OLR1: variants seen among roughly 807,000 people sequenced by gnomAD.
OLR1 encodes the protein oxidized low-density lipoprotein receptor 1.
In OLR1, 23 loss-of-function variants were observed where a neutral mutation model predicts 31.7. That is an observed-to-expected ratio of 0.72 (90% CI 0.52 to 1.03). The LOEUF is 1.03. OLR1 is among the 50% of genes least tolerant of loss of function. The pLI is 0.00. For synonymous variants in OLR1, 117 were observed against 115.8 expected (o/e 1.01, Z -0.07); for missense variants, 286 against 315.7 (o/e 0.91, Z 0.71).
rs1269621841 is a variant in OLR1, at chr12:10,159,299, G to GTGTGTGTT, written c.*580_*581insAACACACA. 2 of 123,206 alleles carry GTGTGTGTT rather than the reference G, an allele frequency of 1.6e-5. No homozygotes were observed. Among genetic ancestry groups the GTGTGTGTT allele is most frequent in the African/African-American group, 5.1e-5 (2 of 39,300 alleles). The allele number at this position is 123,206 out of a possible 1,614,324, so 7.6% of individuals were successfully genotyped here. A position where few individuals can be genotyped will look rare whatever the true frequency, so the allele number is the denominator to read the frequency against. On this transcript the variant is annotated 3_prime_UTR_variant, in exon 6 of 6. Transcript: ENST00000309539. ...CACTTGTCCCAAAATGTGTGTGTGT[G>GTGTGTGTT]TGTGTGTGTGTGTCTGTCTGTCTGT...
chr12:10,169,849 G>T (rs1948695489), intron 1 of OLR1, among the ~76,000 whole-genome samples: 1 of 150,680 alleles, frequency 6.6e-6, no homozygotes, highest in African/African-American at 2.4e-5. Flanking sequence ...TTTTACAAGA[G>T]AAATATTCAC....
upstream of OLR1, chr12:10,172,308 T>G (rs41401144): frequency 3.0e-4 from 131 of 431,776 alleles, no homozygotes; most frequent in African/African-American, 2.5e-3. Context: ...TGAAGGTGTT[T>G]CAGGATATTT....
chr12:10,169,923 T>TAAA (rs34715844), intron 1 of OLR1, among the ~76,000 whole-genome samples: 5 of 148,172 alleles, frequency 3.4e-5, no homozygotes, highest in Non-Finnish European at 6.0e-5. Context: ...GTTCCACCAC[T>TAAA]AAAAAAAAAA....
upstream of OLR1, among the ~76,000 whole-genome samples, chr12:10,173,300 T>A (rs908552265): frequency 4.7e-5 from 7 of 148,746 alleles, no homozygotes; most frequent in African/African-American, 1.7e-4. Flanking sequence ...TTTAAATTAC[T>A]CCAGGAAAAA....
upstream of OLR1, among the ~76,000 whole-genome samples, chr12:10,175,101 C>T (rs1350602594): frequency 2.0e-5 from 3 of 152,144 alleles, no homozygotes; most frequent in South Asian, 2.1e-4. Flanking sequence ...TTATTCCTGC[C>T]TCCTGGTGTT....
At chr12:10,169,379 G>A (rs1018152170) in intron 1 of OLR1, among the ~76,000 whole-genome samples, 5 of 152,290 alleles carry the variant, frequency 3.3e-5, no homozygotes, top group Admixed American at 6.5e-5. Context: ...AAAACAGGGA[G>A]AGTTAAGGAA....
intron 3 of OLR1, among the ~76,000 whole-genome samples, chr12:10,162,102 A>T (rs1948625824): frequency 6.6e-6 from 1 of 152,114 alleles, no homozygotes; most frequent in African/African-American, 2.4e-5. Context: ...AACAGGACTT[A>T]GACAATAGGC....
At chr12:10,167,080 C>T in intron 2 of OLR1, 123 bp from the exon 3 acceptor site, 5 of 893,892 alleles carry the variant, frequency 5.6e-6, no homozygotes, top group Admixed American at 2.6e-5. Flanking sequence ...TGAAAAATGA[C>T]CCAGATTTAC....
At chr12:10,163,862 C>T (rs181810608) in intron 3 of OLR1, among the ~76,000 whole-genome samples, 29 of 151,800 alleles carry the variant, frequency 1.9e-4, no homozygotes, top group African/African-American at 6.3e-4. Flanking sequence ...CTCCGGGAGG[C>T]GGAGGTTGCA....
At chr12:10,168,744 T>C (rs1461059022) in intron 2 of OLR1, among the ~76,000 whole-genome samples, 1 of 152,214 alleles carries the variant, frequency 6.6e-6, no homozygotes, top group Non-Finnish European at 1.5e-5. Context: ...TCCACCCACC[T>C]TGGCCTCCCA....
At chr12:10,160,211 G>T in intron 5 of OLR1, 136 bp downstream of exon 5, 1 of 917,564 alleles carries the variant, frequency 1.1e-6, no homozygotes, top group Non-Finnish European at 1.6e-6. Flanking sequence ...TAAGGAAGGA[G>T]ACTTTGAGAA....
chr12:10,166,466 T>G (rs1948662688), intron 3 of OLR1, among the ~76,000 whole-genome samples: 1 of 150,336 alleles, frequency 6.7e-6, no homozygotes. Flanking sequence ...GGGTGGAGGT[T>G]GCAGTGAGCA....
chr12:10,159,630 G>A lies in OLR1; in HGVS notation c.*250C>T. 3.0e-6 allele frequency: 1 copy of A among 328,128 alleles called. No individual in the cohort carries two copies. Among genetic ancestry groups the A allele is most frequent in the East Asian group, 4.7e-5 (1 of 21,198 alleles). The allele number at this position is 328,128 out of a possible 1,614,324, so 20.3% of individuals were successfully genotyped here. On this transcript the variant is annotated 3_prime_UTR_variant, in exon 6 of 6. Transcript: ENST00000309539. The stretch of plus-strand genomic sequence containing the variant: ...GAGGAGTCAAATTTTAAAATAAAAA[G>A]GGGAAAATGGACTTCAGGCTGGCAG...
At chr12:10,163,273 T>C (rs1347463870) in intron 3 of OLR1, among the ~76,000 whole-genome samples, 4 of 152,124 alleles carry the variant, frequency 2.6e-5, no homozygotes, top group Admixed American at 1.3e-4. Context: ...TTCAAACTTC[T>C]AAGTTAAAAC....
upstream of OLR1, among the ~76,000 whole-genome samples, chr12:10,174,500 AC>A (rs1320920592): frequency 6.6e-6 from 1 of 152,178 alleles, no homozygotes; most frequent in Non-Finnish European, 1.5e-5. Context: ...GGCCTAAAGA[AC>A]AAAAAGCTTC....
chr12:10,172,294 A>AT, upstream of OLR1: 1 of 476,394 alleles, frequency 2.1e-6, no homozygotes, highest in South Asian at 3.3e-5. Flanking sequence ...GAAAGTGGTG[A>AT]TTCTGAAGGT....
intron 1 of OLR1, among the ~76,000 whole-genome samples, chr12:10,171,584 C>T (rs550496511): frequency 1.3e-5 from 2 of 152,234 alleles, no homozygotes; most frequent in African/African-American, 4.8e-5. Context: ...CCGAGCCCTC[C>T]GATGTATAGA....
intron 3 of OLR1, among the ~76,000 whole-genome samples, chr12:10,163,046 T>C (rs921647476): frequency 6.6e-6 from 1 of 152,156 alleles, no homozygotes; most frequent in Non-Finnish European, 1.5e-5. Context: ...TATCACTTAC[T>C]ATGTTTATTT....
upstream of OLR1, among the ~76,000 whole-genome samples, chr12:10,173,368 A>C (rs1464272426): frequency 1.3e-5 from 2 of 152,212 alleles, no homozygotes; most frequent in Admixed American, 1.3e-4. Flanking sequence ...CATAAATAAA[A>C]CATATAGGAA....
Sources: gnomAD v4.1 joint callset for allele counts (sites outside exome capture counted in the v4.1 genomes callset) on GRCh38, gnomAD v4.1.1 for gene constraint, MANE v1.5 for transcripts, NCBI Gene and HGNC (gene_info 2026-07-23, HGNC 2026-07-21) for gene names.